The following PLA2G2A variants were observed in gnomAD, a reference collection of about 807,000 sequenced individuals.
PLA2G2A encodes phospholipase A2 group IIA.
PLA2G2A carries 6 observed loss-of-function variants against 11.2 expected under a neutral mutation model. The observed-to-expected ratio is 0.54, with a 90% CI of 0.29 to 1.06. PLA2G2A has a LOEUF of 1.06. Ranked by LOEUF, PLA2G2A falls within the 50% of genes least tolerant of loss-of-function variation. PLA2G2A has a pLI of 0.08. For missense variants in PLA2G2A, 133 were observed against 177.1 expected (o/e 0.75, Z 1.41); for synonymous variants, 69 against 65.8 (o/e 1.05, Z -0.23).
At chr1:19,977,253 C>T (rs2046233080) in intron 4 of PLA2G2A, among the ~76,000 whole-genome samples, 1 of 152,160 alleles carries the variant, frequency 6.6e-6, no homozygotes, top group South Asian at 2.1e-4. Context: ...TGGTCTTTAT[C>T]ACAGTTGTGC....
At chr1:19,975,907 A>G in intron 4 of PLA2G2A, 64 bp from the exon 5 acceptor site, 2 of 1,435,806 alleles carry the variant, frequency 1.4e-6, no homozygotes, top group South Asian at 1.2e-5. Flanking sequence ...TTCTTGTGGG[A>G]ACCCTGGGGT....
chr1:19,978,983 A>G (rs1288836111), intron 1 of PLA2G2A, 104 bp from the exon 2 acceptor site: 8 of 608,446 alleles, frequency 1.3e-5, no homozygotes, highest in Admixed American at 9.6e-5. Flanking sequence ...GCACACACAC[A>G]CACACACACA....
At chr1:19,977,597 T>C (rs2046238376) in intron 4 of PLA2G2A, among the ~76,000 whole-genome samples, 1 of 152,216 alleles carries the variant, frequency 6.6e-6, no homozygotes, top group Admixed American at 6.5e-5. Flanking sequence ...CGGATTGACC[T>C]AGCTCCTTCC....
chr1:19,975,809 C>T, exon 5 of PLA2G2A: 1 of 1,614,000 alleles, frequency 6.2e-7, no homozygotes, highest in Non-Finnish European at 8.5e-7. Context: ...CCTTATCACA[C>T]TCACACAGTT....
rs1367673983 is a variant in PLA2G2A at position 19,978,884 on chromosome 1, GAC to G, written c.-106-7_-106-6del. 1.1e-6 allele frequency: 1 copy of G among 948,650 alleles called. No homozygotes were observed. Among genetic ancestry groups the G allele is most frequent in the African/African-American group, 1.6e-5 (1 of 62,702 alleles). The allele number at this position is 948,650 out of a possible 1,614,324, so 58.8% of individuals were successfully genotyped here. On this transcript the variant is annotated splice_region_variant and splice_polypyrimidine_tract_variant and intron_variant, in intron 1 of 4. Coordinates refer to ENST00000482011, the Ensembl canonical transcript of PLA2G2A. ...CCCTGCTCCTCCTTGGTGGCTCTGA[GAC>G]ACACAGACATGCTCTCCCATCCAAC...
chr1:19,978,244 T>G, intron 3 of PLA2G2A, 123 bp from the exon 4 acceptor site: 1 of 1,359,500 alleles, frequency 7.4e-7, no homozygotes, highest in Non-Finnish European at 1.0e-6. Flanking sequence ...AGAGCAGAAG[T>G]TCCAACATGC....
intron 2 of PLA2G2A, 24 bp downstream of exon 2, chr1:19,978,710 T>G (rs780859735): frequency 6.2e-7 from 1 of 1,613,714 alleles, no homozygotes; most frequent in South Asian, 1.1e-5. Context: ...CCCCCCATGC[T>G]CAGAGGTCAG....
At chr1:19,976,785 C>G (rs990820788) in intron 4 of PLA2G2A, among the ~76,000 whole-genome samples, 4 of 152,310 alleles carry the variant, frequency 2.6e-5, no homozygotes, top group South Asian at 2.1e-4. Flanking sequence ...TGCCTCCTGT[C>G]TTTATTTGCC....
chr1:19,978,204 G>T, intron 3 of PLA2G2A, 83 bp from the exon 4 acceptor site: 1 of 1,347,912 alleles, frequency 7.4e-7, no homozygotes, highest in Non-Finnish European at 1.1e-6. Flanking sequence ...TTGGACCCTG[G>T]GCAGAGACCC....
At chr1:19,976,778 C>T (rs2046225426) in intron 4 of PLA2G2A, among the ~76,000 whole-genome samples, 1 of 152,160 alleles carries the variant, frequency 6.6e-6, no homozygotes, top group African/African-American at 2.4e-5. Context: ...TTGTCTTTGC[C>T]TCCTGTCTTT....
chr1:19,976,941 G>A (rs939509869), intron 4 of PLA2G2A, among the ~76,000 whole-genome samples: 7 of 152,220 alleles, frequency 4.6e-5, no homozygotes, highest in African/African-American at 1.4e-4. Context: ...TGTTCACTTG[G>A]CCCTTGCTAA....
At chr1:19,976,209 T>A (rs1428537626) in intron 4 of PLA2G2A, among the ~76,000 whole-genome samples, 1 of 152,220 alleles carries the variant, frequency 6.6e-6, no homozygotes. Context: ...TTTGCAGTGA[T>A]TGGTCTTTGT....
chr1:19,977,541 C>T (rs2046237643), intron 4 of PLA2G2A, among the ~76,000 whole-genome samples: 1 of 152,224 alleles, frequency 6.6e-6, no homozygotes, highest in African/African-American at 2.4e-5. Flanking sequence ...TTAATAGCAT[C>T]CTATTGCTTT....
chr1:19,978,440 C>T (rs1207872960), exon 3 of PLA2G2A: 4 of 1,613,824 alleles, frequency 2.5e-6, no homozygotes, highest in Admixed American at 1.7e-5. Context: ...GCCGTAGAAG[C>T]CATAACTGAG....
exon 4 of PLA2G2A, chr1:19,978,060 A>G (rs752587520): frequency 1.2e-6 from 2 of 1,613,960 alleles, no homozygotes; most frequent in South Asian, 2.2e-5. Flanking sequence ...TAGCTCAGAA[A>G]TTTGGTGCCA....
chr1:19,979,060 G>A (rs1381029003), intron 1 of PLA2G2A, 181 bp from the exon 2 acceptor site: 1 of 522,234 alleles, frequency 1.9e-6, no homozygotes, highest in Non-Finnish European at 3.5e-6. Flanking sequence ...CAGGCCCTCA[G>A]ACCTGTGGAG....
chr1:19,976,748 G>A (rs1429195098), intron 4 of PLA2G2A, among the ~76,000 whole-genome samples: 1 of 151,922 alleles, frequency 6.6e-6, no homozygotes, highest in East Asian at 1.9e-4. Context: ...CCCCTTCAGG[G>A]CCAAACTTTC....
At chr1:19,979,378 T>A (rs969446447) in intron 1 of PLA2G2A, among the ~76,000 whole-genome samples, 2 of 152,112 alleles carry the variant, frequency 1.3e-5, no homozygotes, top group African/African-American at 4.8e-5. Flanking sequence ...TATGCCCACA[T>A]ACACACACTC....
In PLA2G2A at chr1:19,978,822, T is replaced by A. The variant is rs201469795; in HGVS notation, c.-49A>T. 8.2e-6 allele frequency: 13 copies of A among 1,594,810 alleles called. No individual in the cohort carries two copies. The South Asian group carries it at 1.2e-4, about 15-fold the overall frequency. Reference sequence around the variant, plus strand: ...TGCAGATGGACTGGCCTAGCTCCTCTGCTGGGTGGTCTCAACTTCTGCCCC... The same window carrying A: ...TGCAGATGGACTGGCCTAGCTCCTCAGCTGGGTGGTCTCAACTTCTGCCCC... On this transcript the variant is annotated 5_prime_UTR_variant, in exon 2 of 5. Transcript: ENST00000482011.
Sources: gnomAD v4.1 joint callset for allele counts (sites outside exome capture counted in the v4.1 genomes callset) on GRCh38, gnomAD v4.1.1 for gene constraint, MANE v1.5 for transcripts, NCBI Gene and HGNC (gene_info 2026-07-23, HGNC 2026-07-21) for gene names.